The following HS6ST3 variants were observed in gnomAD, a reference collection of about 807,000 sequenced individuals.
HS6ST3 encodes the protein heparan sulfate 6-O-sulfotransferase 3, also known as heparan-sulfate 6-O-sulfotransferase 3.
In HS6ST3, 12 loss-of-function variants were observed where a neutral mutation model predicts 36.7. The ratio of observed to expected loss-of-function variants is 0.33; its 90% confidence interval spans 0.21 to 0.53. The LOEUF is 0.53. HS6ST3 is among the 20% of genes least tolerant of loss of function. The pLI is 0.95. For synonymous variants in HS6ST3, 240 were observed against 257.5 expected (o/e 0.93, Z 0.65); for missense variants, 584 against 640.9 (o/e 0.91, Z 0.96).
At chr13:96,205,140 G>C (rs945430632) in intron 1 of HS6ST3, among the ~76,000 whole-genome samples, 2 of 151,758 alleles carry the variant, frequency 1.3e-5, no homozygotes, top group Admixed American at 1.3e-4. Context: ...CAGAAATAAG[G>C]GGGGTATTAC....
chr13:96,299,072 T>C (rs2054869065), intron 1 of HS6ST3, among the ~76,000 whole-genome samples: 1 of 152,224 alleles, frequency 6.6e-6, no homozygotes, highest in Admixed American at 6.5e-5. Flanking sequence ...CCAAATGTAC[T>C]GTTTCTTTGG....
intron 1 of HS6ST3, among the ~76,000 whole-genome samples, chr13:96,208,286 A>G (rs1306437699): frequency 2.0e-5 from 3 of 152,122 alleles, no homozygotes; most frequent in East Asian, 3.9e-4. Flanking sequence ...AATGATTACA[A>G]AGGATATGTT....
chr13:96,457,843 A>G (rs1217260826), intron 1 of HS6ST3, among the ~76,000 whole-genome samples: 1 of 152,120 alleles, frequency 6.6e-6, no homozygotes, highest in Admixed American at 6.5e-5. Flanking sequence ...TTTTTTTTCC[A>G]AGAAAACTTG....
At chr13:96,331,496 G>A (rs2055067259) in intron 1 of HS6ST3, among the ~76,000 whole-genome samples, 1 of 151,944 alleles carries the variant, frequency 6.6e-6, no homozygotes, top group South Asian at 2.1e-4. Context: ...GCTGCTCAGG[G>A]GTCAGGGGTC....
At chr13:96,331,244 AG>A (rs960134000) in intron 1 of HS6ST3, among the ~76,000 whole-genome samples, 2 of 152,146 alleles carry the variant, frequency 1.3e-5, no homozygotes, top group African/African-American at 4.8e-5. Context: ...CCTTTGGAGG[AG>A]GAGAGGTGCT....
intron 1 of HS6ST3, among the ~76,000 whole-genome samples, chr13:96,574,854 T>A (rs989197137): frequency 6.6e-6 from 1 of 152,102 alleles, no homozygotes; most frequent in Non-Finnish European, 1.5e-5. Context: ...TCCACGAGGG[T>A]TGAACACACA....
intron 1 of HS6ST3, among the ~76,000 whole-genome samples, chr13:96,351,335 T>TTTTTTTTTTAAA (rs1203595829): frequency 0.014 from 2,041 of 146,142 alleles, 24 homozygotes; most frequent in East Asian, 0.044. Context: ...TTTTTTTTTT[T>TTTTTTTTTTAAA]AAAAAAAACA....
At chr13:96,106,626 G>A (rs2053843070) in intron 1 of HS6ST3, among the ~76,000 whole-genome samples, 1 of 152,210 alleles carries the variant, frequency 6.6e-6, no homozygotes, top group South Asian at 2.1e-4. Flanking sequence ...AGCACAGGAA[G>A]TATCTCATCT....
At chr13:96,653,545 T>A (rs2056614733) in intron 1 of HS6ST3, among the ~76,000 whole-genome samples, 3 of 152,192 alleles carry the variant, frequency 2.0e-5, no homozygotes, top group South Asian at 2.1e-4. Context: ...GAACTCATCC[T>A]TTTTTATGGC....
chr13:96,732,785 G>C (rs1385953296), intron 1 of HS6ST3, among the ~76,000 whole-genome samples: 2 of 152,018 alleles, frequency 1.3e-5, no homozygotes, highest in East Asian at 3.9e-4. Context: ...TACAATCCAT[G>C]AGCATGGGAT....
intron 1 of HS6ST3, among the ~76,000 whole-genome samples, chr13:96,126,424 G>C (rs2053951346): frequency 1.3e-5 from 2 of 152,178 alleles, no homozygotes; most frequent in Non-Finnish European, 2.9e-5. Context: ...CTGGCCTCAT[G>C]GATGGTAAAG....
At chr13:96,791,074 C>T (rs1877776713) in intron 1 of HS6ST3, among the ~76,000 whole-genome samples, 1 of 151,954 alleles carries the variant, frequency 6.6e-6, no homozygotes, top group Admixed American at 6.6e-5. Context: ...CTTCTTTTTC[C>T]TTTAGCCCTT....
At chr13:96,741,826 C>T (rs1876445512) in intron 1 of HS6ST3, among the ~76,000 whole-genome samples, 1 of 152,156 alleles carries the variant, frequency 6.6e-6, no homozygotes, top group African/African-American at 2.4e-5. Context: ...AGCATGAGCA[C>T]TTCACAAAAC....
At chr13:96,102,926 T>A (rs1415336949) in intron 1 of HS6ST3, among the ~76,000 whole-genome samples, 1 of 152,224 alleles carries the variant, frequency 6.6e-6, no homozygotes, top group Non-Finnish European at 1.5e-5. Flanking sequence ...GGCAGACAAC[T>A]GCTAATAATT....
chr13:96,812,541 C>T (rs764342898), intron 1 of HS6ST3, among the ~76,000 whole-genome samples: 1 of 152,136 alleles, frequency 6.6e-6, no homozygotes, highest in Non-Finnish European at 1.5e-5. Context: ...CTTAAAATAA[C>T]CTTCCAACAC....
intron 1 of HS6ST3, among the ~76,000 whole-genome samples, chr13:96,123,361 T>A (rs1157067196): frequency 6.6e-6 from 1 of 152,232 alleles, no homozygotes; most frequent in Non-Finnish European, 1.5e-5. Context: ...ATTTCCTTTC[T>A]TACCATCAAC....
chr13:96,091,589 C>T lies in HS6ST3; in HGVS notation c.707+20C>T. The stretch of plus-strand genomic sequence containing the variant: ...CACCAGGTACTGTCGCCCGCTGGGT[C>T]TCTGTTCTTCCCCCCCACCCCCCAT... On this transcript the variant is annotated intron_variant, in intron 1 of 1. Coordinates refer to ENST00000376705, the MANE Select transcript of HS6ST3 (RefSeq NM_153456.4). 6.5e-7 allele frequency: 1 copy of T among 1,543,570 alleles called. No homozygotes were observed. Among genetic ancestry groups the T allele is most frequent in the Non-Finnish European group, 8.7e-7 (1 of 1,150,100 alleles).
chr13:96,432,672 T>G (rs2055621468), intron 1 of HS6ST3, among the ~76,000 whole-genome samples: 2 of 152,330 alleles, frequency 1.3e-5, no homozygotes, highest in South Asian at 4.1e-4. Flanking sequence ...CTTCTTATAC[T>G]AAATGTTCCT....
intron 1 of HS6ST3, among the ~76,000 whole-genome samples, chr13:96,613,671 G>T (rs564925308): frequency 8.5e-5 from 13 of 152,164 alleles, no homozygotes; most frequent in African/African-American, 2.9e-4. Context: ...TAAGTTCTCT[G>T]CATTTTAAAA....
Sources: allele counts gnomAD v4.1 joint callset (sites outside exome capture counted in the v4.1 genomes callset), GRCh38; gene constraint gnomAD v4.1.1; transcripts MANE v1.5; gene names NCBI Gene and HGNC (gene_info 2026-07-23, HGNC 2026-07-21).